The following KCNJ3 variants were observed in gnomAD, a reference collection of about 807,000 sequenced individuals.
The protein encoded by KCNJ3 is potassium inwardly rectifying channel subfamily J member 3, also known as G protein-activated inward rectifier potassium channel 1.
In KCNJ3, 4 loss-of-function variants were observed where a neutral mutation model predicts 39.2. That is an observed-to-expected ratio of 0.10 (90% CI 0.05 to 0.23). The LOEUF (loss-of-function observed/expected upper bound fraction) is 0.23, where lower values mean the gene tolerates loss of function less well. Among genes scored for constraint, KCNJ3 ranks in the 10% least tolerant of loss-of-function variants. KCNJ3 has a pLI of 1.00. For synonymous variants in KCNJ3, 230 were observed against 237.4 expected (o/e 0.97, Z 0.29); for missense variants, 276 against 634.9 (o/e 0.43, Z 6.08).
At chr2:154,788,012 C>G (rs1686564734) in intron 2 of KCNJ3, among the ~76,000 whole-genome samples, 1 of 152,100 alleles carries the variant, frequency 6.6e-6, no homozygotes, top group Non-Finnish European at 1.5e-5. Context: ...CATCTGTCCA[C>G]ACCCATTTAT....
At chr2:154,788,813 G>A (rs1686579650) in intron 2 of KCNJ3, among the ~76,000 whole-genome samples, 1 of 151,068 alleles carries the variant, frequency 6.6e-6, no homozygotes, top group Non-Finnish European at 1.5e-5. Context: ...AGAATTACTA[G>A]CAAATATATT....
At chr2:154,756,417 A>G (rs1031158163) in intron 2 of KCNJ3, among the ~76,000 whole-genome samples, 5 of 152,128 alleles carry the variant, frequency 3.3e-5, no homozygotes, top group Admixed American at 1.3e-4. Context: ...TAGATATATA[A>G]TGTTAGATTT....
intron 2 of KCNJ3, among the ~76,000 whole-genome samples, chr2:154,789,171 C>T (rs1370195656): frequency 6.6e-6 from 1 of 151,872 alleles, no homozygotes; most frequent in Non-Finnish European, 1.5e-5. Context: ...AAAGAAAAAG[C>T]ACAAGGATAT....
intron 2 of KCNJ3, among the ~76,000 whole-genome samples, chr2:154,715,103 C>T (rs895318139): frequency 6.6e-6 from 1 of 152,158 alleles, no homozygotes; most frequent in Admixed American, 6.5e-5. Context: ...GGCAGGGTAC[C>T]TGGCTGCTAC....
intron 2 of KCNJ3, among the ~76,000 whole-genome samples, chr2:154,836,215 A>AAAAC (rs1558886684): frequency 3.4e-5 from 2 of 58,148 alleles, no homozygotes; most frequent in Non-Finnish European, 5.0e-5. Flanking sequence ...CTCAAAAAAA[A>AAAAC]AAACAAAAAA....
At chr2:154,822,570 TTATG>T (rs763195482) in intron 2 of KCNJ3, among the ~76,000 whole-genome samples, 2 of 152,210 alleles carry the variant, frequency 1.3e-5, no homozygotes, top group East Asian at 3.8e-4. Context: ...AGTTGGCACT[TTATG>T]TAGCAGTTTC....
intron 2 of KCNJ3, among the ~76,000 whole-genome samples, chr2:154,727,622 A>C (rs539254028): frequency 4.7e-5 from 7 of 150,424 alleles, no homozygotes; most frequent in Admixed American, 2.0e-4. Flanking sequence ...AGAGAAAAAG[A>C]GTATGAATTA....
intron 2 of KCNJ3, among the ~76,000 whole-genome samples, chr2:154,842,842 G>A (rs996117698): frequency 4.6e-5 from 7 of 151,936 alleles, no homozygotes; most frequent in Non-Finnish European, 8.8e-5. Flanking sequence ...GTCTTTGCAC[G>A]TGAGATGGGT....
intron 2 of KCNJ3, among the ~76,000 whole-genome samples, chr2:154,844,000 C>A (rs1049891987): frequency 2.6e-5 from 4 of 152,194 alleles, no homozygotes; most frequent in Admixed American, 2.6e-4. Flanking sequence ...CGAGGAGCTG[C>A]GATCCTTTGG....
chr2:154,733,480 A>C (rs557253385), intron 2 of KCNJ3, among the ~76,000 whole-genome samples: 1 of 152,156 alleles, frequency 6.6e-6, no homozygotes, highest in Admixed American at 6.6e-5. Flanking sequence ...TATTTTCATT[A>C]GTTTTAAGTT....
chr2:154,770,556 T>G (rs1370857412), intron 2 of KCNJ3, among the ~76,000 whole-genome samples: 1 of 152,214 alleles, frequency 6.6e-6, no homozygotes, highest in African/African-American at 2.4e-5. Context: ...GATTTTGTGA[T>G]TCAAATGAGT....
At chr2:154,809,244 T>A (rs1200150532) in intron 2 of KCNJ3, among the ~76,000 whole-genome samples, 3 of 152,086 alleles carry the variant, frequency 2.0e-5, no homozygotes, top group Admixed American at 2.0e-4. Flanking sequence ...TCCTGGTAAA[T>A]CAACCAGGTT....
chr2:154,781,504 A>G (rs1487870960), intron 2 of KCNJ3, among the ~76,000 whole-genome samples: 2 of 152,208 alleles, frequency 1.3e-5, no homozygotes, highest in Non-Finnish European at 2.9e-5. Context: ...TGAGAAAGAA[A>G]AAGGAAGCAG....
At chr2:154,827,970 C>T (rs951376415) in intron 2 of KCNJ3, among the ~76,000 whole-genome samples, 1 of 151,852 alleles carries the variant, frequency 6.6e-6, no homozygotes, top group South Asian at 2.1e-4. Context: ...AAACAGATAC[C>T]GTCAGATGTT....
chr2:154,734,734 A>C (rs1410584649), intron 2 of KCNJ3, among the ~76,000 whole-genome samples: 1 of 152,140 alleles, frequency 6.6e-6, no homozygotes, highest in Non-Finnish European at 1.5e-5. Context: ...GTCAGACTAC[A>C]CATCCCTATT....
intron 2 of KCNJ3, among the ~76,000 whole-genome samples, chr2:154,836,229 C>A (rs200380736): frequency 1.3e-4 from 19 of 141,214 alleles, no homozygotes; most frequent in African/African-American, 2.2e-4. Context: ...CAAAAAAAAA[C>A]AAAAAAAAAA....
intron 2 of KCNJ3, among the ~76,000 whole-genome samples, chr2:154,757,718 G>C (rs970341976): frequency 6.6e-6 from 1 of 152,110 alleles, no homozygotes; most frequent in Non-Finnish European, 1.5e-5. Flanking sequence ...CTAGAGGCTG[G>C]GAAATCCAAG....
At chr2:154,755,829 G>T (rs2105185004) in intron 2 of KCNJ3, among the ~76,000 whole-genome samples, 1 of 152,124 alleles carries the variant, frequency 6.6e-6, no homozygotes, top group South Asian at 2.1e-4. Flanking sequence ...GGGAAATTTA[G>T]ATTTGGTTCT....
intron 2 of KCNJ3, among the ~76,000 whole-genome samples, chr2:154,722,566 A>T (rs1382037771): frequency 6.6e-6 from 1 of 152,112 alleles, no homozygotes; most frequent in Non-Finnish European, 1.5e-5. Context: ...ATTTCAGGAG[A>T]TGTTAGTGGA....
Sources: allele counts gnomAD v4.1 joint callset (sites outside exome capture counted in the v4.1 genomes callset), GRCh38; gene constraint gnomAD v4.1.1; transcripts MANE v1.5; gene names NCBI Gene and HGNC (gene_info 2026-07-23, HGNC 2026-07-21).